The following ZMIZ1 variants were observed in gnomAD, a reference collection of about 807,000 sequenced individuals.
ZMIZ1 encodes zinc finger MIZ-type containing 1.
Under a neutral mutation model 113.9 loss-of-function variants are expected in ZMIZ1, and 17 were observed. The ratio of observed to expected loss-of-function variants is 0.15; its 90% CI spans 0.10 to 0.22. ZMIZ1 has a LOEUF of 0.22. Ranked by LOEUF, ZMIZ1 falls within the 10% of genes least tolerant of loss-of-function variation. ZMIZ1 has a pLI of 1.00. For synonymous variants in ZMIZ1, 607 were observed against 603.1 expected (o/e 1.01, Z -0.09); for missense variants, 1,059 against 1,477.8 (o/e 0.72, Z 4.65).
At position 79,284,846 on chromosome 10, in the gene ZMIZ1, T is replaced by C. The variant is rs1589563033; in HGVS notation, c.426-4929T>C. 2.6e-5 allele frequency among the ~76,000 whole-genome samples: 4 copies of C among 152,292 alleles called. No individual in the cohort carries two copies. The Middle Eastern group carries it at 0.014, about 518-fold the overall frequency. Reference sequence around the variant, plus strand: ...TTAACCTCAAAAAGGGGTCCCTGAATCTTTGCCAACACGGCCAGTACAAGC... The same window carrying C: ...TTAACCTCAAAAAGGGGTCCCTGAACCTTTGCCAACACGGCCAGTACAAGC... On this transcript the variant is annotated intron_variant, in intron 8 of 24. Transcript: ENST00000334512.
At chr10:79,159,979 T>C (rs1846044413) in intron 3 of ZMIZ1, among the ~76,000 whole-genome samples, 1 of 152,232 alleles carries the variant, frequency 6.6e-6, no homozygotes, top group African/African-American at 2.4e-5. Flanking sequence ...CGATGCTCAC[T>C]GGGGAGCGAG....
At chr10:79,182,163 G>A (rs1455280500) in intron 4 of ZMIZ1, among the ~76,000 whole-genome samples, 1 of 152,206 alleles carries the variant, frequency 6.6e-6, no homozygotes, top group Non-Finnish European at 1.5e-5. Context: ...CACCTCTCCC[G>A]AGGGGCAAGG....
Position 79,304,185 on chromosome 10 carries a change from C to G in ZMIZ1, c.2286+10C>G. 1 of 1,609,856 alleles carries G rather than the reference C, an allele frequency of 6.2e-7. No homozygotes were observed. The highest frequency in any genetic ancestry group is 8.5e-7 in the Non-Finnish European group (1 of 1,176,910). On this transcript the variant is annotated intron_variant, in intron 19 of 24. Coordinates refer to ENST00000334512, the MANE Select transcript of ZMIZ1 (RefSeq NM_020338.4). ...TTGCAAGCATGTGCAGGTGAGCGGCCCCAGAAAGCACAGCTCTGGCAAGCC... is the reference window on the plus strand; with the variant it reads ...TTGCAAGCATGTGCAGGTGAGCGGCGCCAGAAAGCACAGCTCTGGCAAGCC...
chr10:79,199,007 T>C (rs559998853), intron 4 of ZMIZ1, among the ~76,000 whole-genome samples: 87 of 148,878 alleles, frequency 5.8e-4, no homozygotes, highest in African/African-American at 2.1e-3. Context: ...GCACTCCGCC[T>C]GGGCAACAGA....
intron 3 of ZMIZ1, among the ~76,000 whole-genome samples, chr10:79,146,957 T>C (rs926321597): frequency 1.5e-5 from 2 of 130,718 alleles, no homozygotes; most frequent in Non-Finnish European, 3.5e-5. Context: ...TGTGTGTGTG[T>C]GTGTGTGTGT....
chr10:79,177,365 C>T (rs1204045525), intron 4 of ZMIZ1, among the ~76,000 whole-genome samples: 3 of 152,198 alleles, frequency 2.0e-5, no homozygotes, highest in Non-Finnish European at 4.4e-5. Flanking sequence ...TTTGGAGGCA[C>T]CTCAGCTGCC....
At chr10:79,219,784 A>G (rs1032042060) in intron 7 of ZMIZ1, among the ~76,000 whole-genome samples, 2 of 152,306 alleles carry the variant, frequency 1.3e-5, no homozygotes, top group Non-Finnish European at 2.9e-5. Context: ...AGCTGAGAAC[A>G]CTGAGGCACA....
intron 1 of ZMIZ1, among the ~76,000 whole-genome samples, chr10:79,096,511 C>CAAAAG (rs373538522): frequency 1.7e-3 from 254 of 150,160 alleles, no homozygotes; most frequent in African/African-American, 4.8e-3. Context: ...GACTCCGTCT[C>CAAAAG]AAAAGAAAAG....
At chr10:79,116,460 G>A (rs766071125) in intron 1 of ZMIZ1, among the ~76,000 whole-genome samples, 14 of 152,156 alleles carry the variant, frequency 9.2e-5, no homozygotes, top group Non-Finnish European at 1.3e-4. Context: ...AGGTCAGGGA[G>A]GGCCTCCAGG....
chr10:79,270,904 G>T (rs1851909131), intron 7 of ZMIZ1, among the ~76,000 whole-genome samples: 1 of 152,180 alleles, frequency 6.6e-6, no homozygotes, highest in Non-Finnish European at 1.5e-5. Context: ...TTGAGGGGTT[G>T]CTGTGGGAGT....
At chr10:79,259,732 C>T (rs1851144753) in intron 7 of ZMIZ1, among the ~76,000 whole-genome samples, 1 of 151,902 alleles carries the variant, frequency 6.6e-6, no homozygotes, top group African/African-American at 2.4e-5. Context: ...TCTCCTGCCT[C>T]AGCCTCCCCA....
At chr10:79,089,885 T>G (rs1355043111) in intron 1 of ZMIZ1, among the ~76,000 whole-genome samples, 1 of 152,204 alleles carries the variant, frequency 6.6e-6, no homozygotes, top group African/African-American at 2.4e-5. Context: ...GGGGACAGGT[T>G]GTAGAGAGAC....
At chr10:79,127,961 A>T (rs547253955) in intron 2 of ZMIZ1, among the ~76,000 whole-genome samples, 1 of 152,320 alleles carries the variant, frequency 6.6e-6, no homozygotes, top group South Asian at 2.1e-4. Flanking sequence ...CTGCCCCCTC[A>T]GCTACCTTTT....
chr10:79,212,446 A>G (rs1848563958), intron 6 of ZMIZ1, among the ~76,000 whole-genome samples: 2 of 152,062 alleles, frequency 1.3e-5, no homozygotes, highest in African/African-American at 4.8e-5. Flanking sequence ...CCTAGGTACC[A>G]CTGGCCTACA....
chr10:79,299,554 T>G (rs1854149214), intron 16 of ZMIZ1, among the ~76,000 whole-genome samples: 1 of 152,206 alleles, frequency 6.6e-6, no homozygotes, highest in African/African-American at 2.4e-5. Flanking sequence ...GAGCCAGGAA[T>G]GCAGAGATGA....
intron 1 of ZMIZ1, among the ~76,000 whole-genome samples, chr10:79,073,857 A>G (rs1842383144): frequency 6.6e-6 from 1 of 152,282 alleles, no homozygotes; most frequent in Non-Finnish European, 1.5e-5. Context: ...CATGGGTGCC[A>G]CAGGTGTTGA....
chr10:79,221,436 G>A (rs1848967545), intron 7 of ZMIZ1, among the ~76,000 whole-genome samples: 1 of 152,208 alleles, frequency 6.6e-6, no homozygotes. Context: ...GCGCGGGCGG[G>A]ATCCTCCTCC....
chr10:79,190,335 G>A (rs1024067653), intron 4 of ZMIZ1, among the ~76,000 whole-genome samples: 1 of 152,192 alleles, frequency 6.6e-6, no homozygotes, highest in Non-Finnish European at 1.5e-5. Context: ...GCCTGGGTGT[G>A]GGCCCTGACC....
intron 4 of ZMIZ1, 75 bp downstream of exon 4, chr10:79,162,208 C>T (rs1367218247): frequency 5.0e-6 from 2 of 398,360 alleles, no homozygotes; most frequent in Non-Finnish European, 8.8e-6. Flanking sequence ...AGGTGCTAGC[C>T]CTAGCACGCT....
Sources: allele counts gnomAD v4.1 joint callset (sites outside exome capture counted in the v4.1 genomes callset), GRCh38; gene constraint gnomAD v4.1.1; transcripts MANE v1.5; gene names NCBI Gene and HGNC (gene_info 2026-07-23, HGNC 2026-07-21).